The following DIS3L2 variants were observed in gnomAD, a reference collection of about 807,000 sequenced individuals.
DIS3L2 encodes the protein DIS3-like exonuclease 2.
A neutral mutation model predicts 97.5 loss-of-function variants in DIS3L2; 34 were observed. The observed-to-expected ratio is 0.35, with a 90% CI of 0.27 to 0.46. The LOEUF is 0.46. Ranked by LOEUF, DIS3L2 falls within the 20% of genes least tolerant of loss-of-function variation. DIS3L2 has a pLI of 1.00. For synonymous variants in DIS3L2, 435 were observed against 445.2 expected (o/e 0.98, Z 0.29); for missense variants, 1,038 against 1,146.0 (o/e 0.91, Z 1.36).
chr2:232,305,604 G>A (rs1369778383), intron 14 of DIS3L2, among the ~76,000 whole-genome samples: 3 of 151,994 alleles, frequency 2.0e-5, no homozygotes, highest in Non-Finnish European at 4.4e-5. Flanking sequence ...TATTTCTTGT[G>A]TCTATTGACT....
chr2:232,257,961 T>C (rs368799898), intron 12 of DIS3L2, among the ~76,000 whole-genome samples: 25 of 152,354 alleles, frequency 1.6e-4, no homozygotes, highest in African/African-American at 5.1e-4. Context: ...GTATGACTTT[T>C]GACAAGTTCC....
intron 14 of DIS3L2, among the ~76,000 whole-genome samples, chr2:232,309,420 A>G (rs1695065199): frequency 6.6e-6 from 1 of 152,226 alleles, no homozygotes. Flanking sequence ...GAGAGCCTTC[A>G]GACCTCAACA....
chr2:232,301,828 C>T (rs1694863880), intron 14 of DIS3L2, among the ~76,000 whole-genome samples: 1 of 149,274 alleles, frequency 6.7e-6, no homozygotes, highest in Non-Finnish European at 1.5e-5. Context: ...GAGAAAATAG[C>T]CTAGCTCTTT....
intron 8 of DIS3L2, among the ~76,000 whole-genome samples, chr2:232,146,947 T>G (rs1690233065): frequency 6.6e-6 from 1 of 152,200 alleles, no homozygotes; most frequent in Non-Finnish European, 1.5e-5. Context: ...TTTGTCCCTT[T>G]CAGCATTTTC....
chr2:232,258,104 G>A (rs1574976523), intron 12 of DIS3L2, among the ~76,000 whole-genome samples: 1 of 152,214 alleles, frequency 6.6e-6, no homozygotes. Flanking sequence ...AGTACAGTAG[G>A]TAGGCCTTGA....
intron 6 of DIS3L2, among the ~76,000 whole-genome samples, chr2:232,099,142 T>C (rs962843281): frequency 1.3e-5 from 2 of 152,236 alleles, no homozygotes; most frequent in African/African-American, 2.4e-5. Context: ...ATATAAATTC[T>C]ACTTAATCCT....
chr2:232,061,281 C>A (rs1156620655), intron 5 of DIS3L2, among the ~76,000 whole-genome samples: 1 of 152,144 alleles, frequency 6.6e-6, no homozygotes, highest in Non-Finnish European at 1.5e-5. Context: ...TCTCTTTTTC[C>A]TAGTTGATGA....
At chr2:232,224,153 G>C (rs984966074) in intron 10 of DIS3L2, among the ~76,000 whole-genome samples, 1 of 152,222 alleles carries the variant, frequency 6.6e-6, no homozygotes, top group Admixed American at 6.5e-5. Flanking sequence ...CTGCTCAGAA[G>C]TCAAGGTAAG....
At chr2:232,222,385 C>T (rs904591749) in intron 10 of DIS3L2, among the ~76,000 whole-genome samples, 2 of 152,082 alleles carry the variant, frequency 1.3e-5, no homozygotes, top group East Asian at 3.9e-4. Flanking sequence ...TGATAATGAA[C>T]CTGGGAAGAG....
intron 14 of DIS3L2, among the ~76,000 whole-genome samples, chr2:232,300,321 C>T (rs1031711475): frequency 2.6e-5 from 4 of 152,304 alleles, no homozygotes; most frequent in Admixed American, 6.5e-5. Context: ...GGAGCACTTG[C>T]AGAGGAGCAG....
At chr2:232,094,505 G>A (rs929624798) in intron 6 of DIS3L2, among the ~76,000 whole-genome samples, 1 of 151,992 alleles carries the variant, frequency 6.6e-6, no homozygotes, top group African/African-American at 2.4e-5. Context: ...ATCACTTGAG[G>A]ACAGGAGTTT....
intron 9 of DIS3L2, among the ~76,000 whole-genome samples, chr2:232,190,993 A>G (rs1691605518): frequency 1.3e-5 from 2 of 152,230 alleles, no homozygotes; most frequent in East Asian, 1.9e-4. Context: ...AACAGAAGTC[A>G]CTGTGTTTAG....
At chr2:232,203,615 A>G (rs1033949666) in intron 9 of DIS3L2, among the ~76,000 whole-genome samples, 3 of 152,184 alleles carry the variant, frequency 2.0e-5, no homozygotes, top group Admixed American at 6.5e-5. Flanking sequence ...GGATATAAAG[A>G]CAGTCCAATC....
At chr2:232,141,645 A>G (rs1690048850) in intron 8 of DIS3L2, among the ~76,000 whole-genome samples, 1 of 152,092 alleles carries the variant, frequency 6.6e-6, no homozygotes, top group African/African-American at 2.4e-5. Context: ...GGAGCAGATG[A>G]CGGAGTGAGG....
At chr2:232,312,535 T>C (rs73002017) in intron 14 of DIS3L2, among the ~76,000 whole-genome samples, 1,753 of 152,356 alleles carry the variant, frequency 0.012, 17 homozygotes, top group Non-Finnish European at 0.017. Flanking sequence ...AGCTACACTT[T>C]CCAACTTGGA....
chr2:232,185,016 C>T (rs1691397032), intron 9 of DIS3L2, among the ~76,000 whole-genome samples: 1 of 152,216 alleles, frequency 6.6e-6, no homozygotes, highest in African/African-American at 2.4e-5. Context: ...GCAGTCTGCT[C>T]ACTTGCCATA....
intron 1 of DIS3L2, among the ~76,000 whole-genome samples, chr2:231,964,787 G>A (rs972706316): frequency 1.2e-4 from 19 of 152,152 alleles, no homozygotes; most frequent in Non-Finnish European, 2.6e-4. Context: ...TATTAGGAAA[G>A]CAATGAAATG....
intron 1 of DIS3L2, among the ~76,000 whole-genome samples, chr2:231,984,656 G>A (rs1296909953): frequency 6.6e-6 from 1 of 151,986 alleles, no homozygotes; most frequent in African/African-American, 2.4e-5. Context: ...GCTTCCCAAA[G>A]TGCTGGGATT....
chr2:232,225,043 A>G (rs1692606436), intron 10 of DIS3L2, among the ~76,000 whole-genome samples: 1 of 152,216 alleles, frequency 6.6e-6, no homozygotes, highest in Non-Finnish European at 1.5e-5. Flanking sequence ...GAAAACCACA[A>G]TAAGATACTA....
Sources: allele counts gnomAD v4.1 joint callset (sites outside exome capture counted in the v4.1 genomes callset), GRCh38; gene constraint gnomAD v4.1.1; transcripts MANE v1.5; gene names NCBI Gene and HGNC (gene_info 2026-07-23, HGNC 2026-07-21).